The following SLC9D1 variants were observed in gnomAD, a reference collection of about 807,000 sequenced individuals.
SLC9D1 encodes putative LAG1-interacting protein.
At chr13:113,517,357 C>T in the SLC9D1 span, among the ~76,000 whole-genome samples, 4 of 152,088 alleles carry the variant, frequency 2.6e-5, no homozygotes, top group Non-Finnish European at 5.9e-5. Context: ...CTCAGCCTCC[C>T]GAGTAGCTGG....
At chr13:113,524,762 C>G in the SLC9D1 span, among the ~76,000 whole-genome samples, 2 of 151,814 alleles carry the variant, frequency 1.3e-5, no homozygotes, top group African/African-American at 2.4e-5. Context: ...TTCCTTTCAA[C>G]TTATGCCCTT....
the SLC9D1 span, chr13:113,495,818 G>A: frequency 6.2e-7 from 1 of 1,614,182 alleles, no homozygotes; most frequent in Non-Finnish European, 8.5e-7. Flanking sequence ...GAGCAGTGGA[G>A]AAAGACGTGG....
the SLC9D1 span, chr13:113,495,626 C>G: frequency 1.9e-6 from 3 of 1,568,064 alleles, no homozygotes; most frequent in South Asian, 3.5e-5. Flanking sequence ...TGTTTCCCGT[C>G]CTTCCCTGGG....
At chr13:113,522,632 G>T in the SLC9D1 span, among the ~76,000 whole-genome samples, 20 of 151,932 alleles carry the variant, frequency 1.3e-4, no homozygotes, top group Non-Finnish European at 1.2e-4. Flanking sequence ...GAGCAACCGC[G>T]CCCGGCTGTT....
At chr13:113,525,806 A>G in the SLC9D1 span, among the ~76,000 whole-genome samples, 7,533 of 113,550 alleles carry the variant, frequency 0.066, 889 homozygotes, top group Middle Eastern at 0.17. Flanking sequence ...AGAACAAGCC[A>G]TCGTCGTCGT....
chr13:113,547,096 G>T, the SLC9D1 span: 3 of 569,764 alleles, frequency 5.3e-6, no homozygotes, highest in East Asian at 9.0e-5. Flanking sequence ...CATCAGACAG[G>T]TCATCCCAGG....
the SLC9D1 span, among the ~76,000 whole-genome samples, chr13:113,548,772 C>T: frequency 1.3e-5 from 2 of 152,208 alleles, no homozygotes; most frequent in African/African-American, 2.4e-5. Context: ...ACCCCAGAAA[C>T]GTGAAATACC....
the SLC9D1 span, among the ~76,000 whole-genome samples, chr13:113,493,847 C>T: frequency 1.3e-5 from 2 of 152,214 alleles, no homozygotes; most frequent in African/African-American, 2.4e-5. Flanking sequence ...TGCAGACAGT[C>T]GCTGAGCCTT....
the SLC9D1 span, chr13:113,549,850 A>G: frequency 6.9e-6 from 4 of 575,906 alleles, no homozygotes; most frequent in African/African-American, 5.8e-5. Flanking sequence ...TTAATTTTCT[A>G]TTGTGAGTTC....
the SLC9D1 span, among the ~76,000 whole-genome samples, chr13:113,515,477 C>T: frequency 1.3e-5 from 2 of 152,160 alleles, no homozygotes; most frequent in African/African-American, 2.4e-5. Context: ...CAGAGAGAGA[C>T]GCAGGGCAGT....
chr13:113,517,888 C>T, the SLC9D1 span, among the ~76,000 whole-genome samples: 1 of 151,234 alleles, frequency 6.6e-6, no homozygotes, highest in African/African-American at 2.4e-5. Context: ...AAGAGGGGCC[C>T]CACAGCAAGG....
At chr13:113,493,345 G>T in the SLC9D1 span, among the ~76,000 whole-genome samples, 1 of 152,176 alleles carries the variant, frequency 6.6e-6, no homozygotes, top group Non-Finnish European at 1.5e-5. Context: ...GGGGAAACTG[G>T]GAAGTGTAAG....
chr13:113,495,700 G>T, the SLC9D1 span: 5 of 1,612,884 alleles, frequency 3.1e-6, no homozygotes, highest in South Asian at 5.5e-5. Flanking sequence ...CGCGGGCGAG[G>T]GGTGGCTGCC....
the SLC9D1 span, among the ~76,000 whole-genome samples, chr13:113,533,275 A>T: frequency 6.6e-6 from 1 of 151,822 alleles, no homozygotes; most frequent in Non-Finnish European, 1.5e-5. Flanking sequence ...CCATCCCTTC[A>T]TTCCATCCCT....
At chr13:113,534,228 C>G in the SLC9D1 span, 62 of 1,612,412 alleles carry the variant, frequency 3.8e-5, no homozygotes, top group Non-Finnish European at 5.1e-5. Context: ...CCTTTATCTT[C>G]TTAATGTTAA....
the SLC9D1 span, chr13:113,503,346 TGTGTGTGTGTGTGTGTG>T: frequency 5.8e-5 from 9 of 155,088 alleles, no homozygotes; most frequent in Non-Finnish European, 1.0e-4. Context: ...ACTGTGTGAT[TGTGTGTGTGTGTGTGTG>T]TGTGTGTGTG....
the SLC9D1 span, among the ~76,000 whole-genome samples, chr13:113,546,163 C>T: frequency 8.5e-5 from 13 of 152,104 alleles, no homozygotes; most frequent in African/African-American, 1.7e-4. This position sits in a 1 kb window ranked among gnomAD's most constrained non-coding sequence, Gnocchi z 7.1. Context: ...AGGGCCGTGA[C>T]GGTAGTGACT....
At chr13:113,502,547 A>G in the SLC9D1 span, among the ~76,000 whole-genome samples, 6 of 152,142 alleles carry the variant, frequency 3.9e-5, no homozygotes, top group African/African-American at 9.7e-5. Flanking sequence ...TTCACAACAC[A>G]TGGAAAAGCT....
the SLC9D1 span, among the ~76,000 whole-genome samples, chr13:113,539,911 G>A: frequency 4.6e-5 from 7 of 152,172 alleles, no homozygotes; most frequent in South Asian, 6.2e-4. The surrounding 1 kb of genome is among the most constrained non-coding windows in gnomAD (Gnocchi z 4.8). Context: ...TCTTGCTCCC[G>A]TCTTTGTGTC....
Sources: allele counts gnomAD v4.1 joint callset (sites outside exome capture counted in the v4.1 genomes callset), GRCh38; gene constraint gnomAD v4.1.1; non-coding constraint Gnocchi (gnomAD v3.1); transcripts MANE v1.5; gene names NCBI Gene and HGNC (gene_info 2026-07-23, HGNC 2026-07-21).